Variants in CAB39 observed in about 807,000 individuals in gnomAD.
The protein encoded by CAB39 is calcium binding protein 39, also known as calcium-binding protein 39.
CAB39 carries 8 observed loss-of-function variants against 40.0 expected under a neutral mutation model. The observed-to-expected ratio is 0.20, with a 90% CI of 0.12 to 0.36. CAB39 has a LOEUF of 0.36. CAB39 is among the 10% of genes least tolerant of loss of function. The probability of loss-of-function intolerance (pLI) is 1.00; values close to 1 mark genes in which losing one functional copy is unlikely to be tolerated. For synonymous variants in CAB39, 156 were observed against 141.6 expected (o/e 1.10, Z -0.72); for missense variants, 270 against 401.1 (o/e 0.67, Z 2.79).
chr2:230,726,854 T>G (rs1694581874), intron 1 of CAB39, among the ~76,000 whole-genome samples: 1 of 146,896 alleles, frequency 6.8e-6, no homozygotes. Flanking sequence ...TTTTCTTTTT[T>G]AATCTTATGG....
chr2:230,744,591 C>T (rs1480021803), intron 1 of CAB39, among the ~76,000 whole-genome samples: 1 of 152,242 alleles, frequency 6.6e-6, no homozygotes, highest in East Asian at 1.9e-4. Context: ...CACGCCTGGC[C>T]TCCAACCATA....
At position 230,804,350 on chromosome 2, in the gene CAB39, C is replaced by G. The variant is rs1324925761; in HGVS notation, c.567+5453C>G. Among the ~76,000 whole-genome samples the G allele has an allele frequency of 4.6e-5, 7 of 152,170 alleles. No individual in the cohort carries two copies. In the East Asian group the frequency reaches 1.3e-3, roughly 29 times the overall value. ...AGGACATAGGCATGGGCAAGGACTT[C>G]ATGACTAAAATACCAAAAGCAATGG... On this transcript the variant is annotated intron_variant, in intron 5 of 8. Coordinates refer to ENST00000258418, the MANE Select transcript of CAB39 (RefSeq NM_016289.4).
chr2:230,811,188 A>C (rs957482415), intron 6 of CAB39, among the ~76,000 whole-genome samples: 1 of 152,106 alleles, frequency 6.6e-6, no homozygotes, highest in Non-Finnish European at 1.5e-5. Flanking sequence ...TTTTTCCACT[A>C]CTCATTTAAA....
At chr2:230,729,720 A>G (rs1360368650) in intron 1 of CAB39, among the ~76,000 whole-genome samples, 3 of 151,982 alleles carry the variant, frequency 2.0e-5, no homozygotes, top group Admixed American at 6.6e-5. Context: ...CAGCTTGGAC[A>G]ACAAGAATGA....
At position 230,748,824 on chromosome 2, in the gene CAB39, AAAAAAAAATATATATAT is replaced by A. The variant is rs1462234603; in HGVS notation, c.-43-11133_-43-11117del. On this transcript the variant is annotated intron_variant, in intron 1 of 8. Transcript: ENST00000258418. ...TCTATTTCCAAAAAGAAAAAAAAAA[AAAAAAAAATATATATAT>A]ATATATATATATATATATATATATA... is the stretch of plus-strand genomic sequence containing the variant. 1.1e-3 allele frequency among the ~76,000 whole-genome samples: 80 copies of A among 72,352 alleles called. 2 individuals carry two copies. The highest frequency in any genetic ancestry group is 4.3e-3 in the African/African-American group (72 of 16,722). The allele number at this position is 72,352 out of a possible 152,430, so 47.5% of individuals were successfully genotyped here.
chr2:230,788,607 T>G (rs1330737738), intron 2 of CAB39, among the ~76,000 whole-genome samples: 1 of 152,232 alleles, frequency 6.6e-6, no homozygotes, highest in African/African-American at 2.4e-5. Context: ...TGATGAAATA[T>G]TTCTACTTTT....
At chr2:230,793,403 G>T in intron 4 of CAB39, 72 bp downstream of exon 4, 1 of 690,492 alleles carries the variant, frequency 1.4e-6, no homozygotes, top group Non-Finnish European at 2.4e-6. Context: ...AAAAAAAACA[G>T]GATGCTGAAT....
At chr2:230,730,696 G>T (rs1051858518) in intron 1 of CAB39, among the ~76,000 whole-genome samples, 6 of 152,006 alleles carry the variant, frequency 3.9e-5, no homozygotes, top group Non-Finnish European at 7.4e-5. Context: ...CACCTGCCTC[G>T]GCCTCCCAAA....
At chr2:230,769,882 CA>C (rs1695453498) in intron 2 of CAB39, among the ~76,000 whole-genome samples, 1 of 151,426 alleles carries the variant, frequency 6.6e-6, no homozygotes, top group Non-Finnish European at 1.5e-5. Context: ...CGCTTGAGCC[CA>C]GGGGTGGAGG....
At chr2:230,781,167 A>G (rs1388216540) in intron 2 of CAB39, among the ~76,000 whole-genome samples, 1 of 152,202 alleles carries the variant, frequency 6.6e-6, no homozygotes, top group Non-Finnish European at 1.5e-5. Flanking sequence ...AGTTTGAGAT[A>G]GGATGCAGAA....
At chr2:230,725,204 C>G (rs1037838357) in intron 1 of CAB39, 28 of 1,603,570 alleles carry the variant, frequency 1.7e-5, no homozygotes, top group Non-Finnish European at 2.3e-5. Context: ...GCTGGCGCCA[C>G]AAGTGTCTTT....
At chr2:230,798,708 T>G (rs1456026035) in intron 4 of CAB39, 21 bp from the exon 5 acceptor site, 2 of 1,570,850 alleles carry the variant, frequency 1.3e-6, no homozygotes, top group Admixed American at 1.8e-5. Flanking sequence ...GGTTTGTTTG[T>G]TTGGTTTTTT....
At chr2:230,771,584 A>T (rs556401185) in intron 2 of CAB39, among the ~76,000 whole-genome samples, 1 of 152,356 alleles carries the variant, frequency 6.6e-6, no homozygotes, top group East Asian at 1.9e-4. Context: ...GTGCAATTCC[A>T]GCAGGATTTT....
intron 2 of CAB39, among the ~76,000 whole-genome samples, chr2:230,767,920 A>G (rs1695415968): frequency 6.6e-6 from 1 of 151,868 alleles, no homozygotes; most frequent in Admixed American, 6.6e-5. Context: ...CTCAAGTGCC[A>G]TTTTTCACCC....
intron 1 of CAB39, among the ~76,000 whole-genome samples, chr2:230,743,290 A>G (rs1694916189): frequency 6.6e-6 from 1 of 152,148 alleles, no homozygotes; most frequent in South Asian, 2.1e-4. Context: ...GTCTGCACAG[A>G]AAGGAAGGGA....
intron 1 of CAB39, among the ~76,000 whole-genome samples, chr2:230,738,071 A>T (rs188010564): frequency 1.4e-3 from 210 of 152,330 alleles, no homozygotes; most frequent in African/African-American, 4.8e-3. Flanking sequence ...AAAGTCTTCC[A>T]GTGAAACATT....
chr2:230,806,980 A>G lies in CAB39; in HGVS notation c.568-3283A>G, dbSNP rs184401525. ...AAGCTTTTAAATTCAGCCTACCCTAAAAGTTGGCTGCTTAGTCTGCTGGAC... is the reference window on the plus strand; with the variant it reads ...AAGCTTTTAAATTCAGCCTACCCTAGAAGTTGGCTGCTTAGTCTGCTGGAC... On this transcript the variant is annotated intron_variant, in intron 5 of 8. Transcript: ENST00000258418. Among the ~76,000 whole-genome samples the G allele has an allele frequency of 7.2e-5, 11 of 152,328 alleles. No individual in the cohort carries two copies. In the East Asian group the frequency reaches 2.1e-3, roughly 29 times the overall value.
At chr2:230,745,292 C>G (rs1297909978) in intron 1 of CAB39, among the ~76,000 whole-genome samples, 1 of 152,174 alleles carries the variant, frequency 6.6e-6, no homozygotes, top group East Asian at 1.9e-4. Flanking sequence ...TTACCCTTGC[C>G]TCTCTATTCT....
At chr2:230,814,595 G>A (rs999037485) in intron 7 of CAB39, among the ~76,000 whole-genome samples, 1 of 152,146 alleles carries the variant, frequency 6.6e-6, no homozygotes, top group African/African-American at 2.4e-5. Flanking sequence ...GTAGAACAAG[G>A]GTTGGCAAAC....
Sources: allele counts gnomAD v4.1 joint callset (sites outside exome capture counted in the v4.1 genomes callset), GRCh38; gene constraint gnomAD v4.1.1; transcripts MANE v1.5; gene names NCBI Gene and HGNC (gene_info 2026-07-23, HGNC 2026-07-21).